Variants in PIP5K1C observed in about 807,000 individuals in gnomAD.
The protein encoded by PIP5K1C is phosphatidylinositol 4-phosphate 5-kinase type-1 gamma.
Under a neutral mutation model 80.1 loss-of-function variants are expected in PIP5K1C, and 45 were observed. The observed-to-expected ratio is 0.56, with a 90% CI of 0.44 to 0.72. The LOEUF is 0.72. Ranked by LOEUF, PIP5K1C falls within the 30% of genes least tolerant of loss-of-function variation. The pLI, the probability that PIP5K1C is intolerant of heterozygous loss-of-function variation, is 0.00. For missense variants in PIP5K1C, 753 were observed against 954.6 expected (o/e 0.79, Z 2.78); for synonymous variants, 498 against 420.1 (o/e 1.19, Z -2.27).
chr19:3,686,735 T>A (rs2035772993), intron 1 of PIP5K1C, among the ~76,000 whole-genome samples: 2 of 143,220 alleles, frequency 1.4e-5, no homozygotes, highest in African/African-American at 5.7e-5. Flanking sequence ...AATAAATAAA[T>A]AAAATAAAAT....
chr19:3,683,304 C>T (rs1367779532), intron 1 of PIP5K1C, among the ~76,000 whole-genome samples: 2 of 152,250 alleles, frequency 1.3e-5, no homozygotes, highest in East Asian at 1.9e-4. Flanking sequence ...AGGAGTTCCA[C>T]GGAGATCTGG....
At chr19:3,687,545 GCACACATGCACACGCA>G (rs574156690) in intron 1 of PIP5K1C, among the ~76,000 whole-genome samples, 2,493 of 150,596 alleles carry the variant, frequency 0.017, 38 homozygotes, top group Non-Finnish European at 0.017. Flanking sequence ...ACACATACAT[GCACACATGCACACGCA>G]CACACATGCA....
Position 3,637,091 on chromosome 19 carries a change from C to A in PIP5K1C, c.1920+1793G>T. Reference sequence around the variant, plus strand: ...TCTCCATGGCCCTGCGGTTCAGAGCCCGGCCCTGCAGCCACTCTGCTGACC... The same window carrying A: ...TCTCCATGGCCCTGCGGTTCAGAGCACGGCCCTGCAGCCACTCTGCTGACC... On this transcript the variant is annotated intron_variant, in intron 16 of 17. Transcript: ENST00000335312. This position sits in a 1 kb window ranked among gnomAD's most constrained non-coding sequence, Gnocchi z 7.0. 7 of 1,279,690 alleles carry A rather than the reference C, an allele frequency of 5.5e-6. No homozygotes were observed. Among genetic ancestry groups the A allele is most frequent in the East Asian group, 3.9e-5 (1 of 25,380 alleles). 79.3% of individuals were successfully genotyped at this position (1,279,690 alleles called of 1,614,324 possible).
Position 3,661,039 on chromosome 19 carries a change from C to A in PIP5K1C, c.395G>T (p.Arg132Leu). 4 of 1,614,056 alleles carry A rather than the reference C, an allele frequency of 2.5e-6. 1 individual carries two copies. Among genetic ancestry groups the A allele is most frequent in the South Asian group, 2.2e-5 (2 of 91,078 alleles). The change falls in exon 5 of 18, where the codon CGC becomes CTC. Residue 132 changes from arginine to leucine, a missense_variant. Arg to Leu is a moderately radical substitution (Grantham distance 102). Around this residue, in one of 6 missense-constraint regions of PIP5K1C, gnomAD observed 139 missense variants for 289.7 expected, o/e 0.48. Coordinates refer to ENST00000335312, the MANE Select transcript of PIP5K1C (RefSeq NM_012398.3). ...LTPAHHFQDF[R>L]FKTYAPVAFR... ...GGCGACAGGTGCATAGGTCTTGAAG[C>A]GGAAGTCCTGGAAGTGGTGGGCGGG...
intron 1 of PIP5K1C, among the ~76,000 whole-genome samples, chr19:3,671,318 C>A (rs1001240744): frequency 6.6e-6 from 1 of 152,258 alleles, no homozygotes; most frequent in Non-Finnish European, 1.5e-5. Flanking sequence ...TCCCTACGGC[C>A]CCGGGACCCA....
At chr19:3,652,956 G>A in intron 7 of PIP5K1C, among the ~76,000 whole-genome samples, 1 of 152,190 alleles carries the variant, frequency 6.6e-6, no homozygotes, top group Non-Finnish European at 1.5e-5. Flanking sequence ...CAAGGGCTGG[G>A]TCTGGGGACA....
chr19:3,658,257 C>T (rs890959160), intron 5 of PIP5K1C, among the ~76,000 whole-genome samples: 1 of 152,240 alleles, frequency 6.6e-6, no homozygotes, highest in Non-Finnish European at 1.5e-5. Flanking sequence ...CTTGGCAGCT[C>T]AGAACAGCGA....
chr19:3,658,890 G>A (rs1056793645), intron 5 of PIP5K1C, among the ~76,000 whole-genome samples: 2 of 152,222 alleles, frequency 1.3e-5, no homozygotes, highest in African/African-American at 4.8e-5. Context: ...TCTGAGCCAG[G>A]CAGTGCCAGG....
At chr19:3,657,925 A>G (rs2034692868) in intron 5 of PIP5K1C, among the ~76,000 whole-genome samples, 1 of 152,142 alleles carries the variant, frequency 6.6e-6, no homozygotes, top group Admixed American at 6.5e-5. Flanking sequence ...ACAGAGCAAG[A>G]GTGTTTAAAA....
chr19:3,690,717 C>A (rs1362042312), intron 1 of PIP5K1C, among the ~76,000 whole-genome samples: 1 of 152,094 alleles, frequency 6.6e-6, no homozygotes, highest in Non-Finnish European at 1.5e-5. Flanking sequence ...CTTGTGTCAC[C>A]AATAAATGAG....
intron 15 of PIP5K1C, among the ~76,000 whole-genome samples, chr19:3,640,625 A>G (rs77231693): frequency 0.069 from 10,424 of 152,150 alleles, 463 homozygotes; most frequent in Non-Finnish European, 0.097. Flanking sequence ...TTTTTCTTCA[A>G]TACAAAAATC....
chr19:3,666,730 CGCAG>C (rs924988516), intron 2 of PIP5K1C, among the ~76,000 whole-genome samples: 3 of 151,554 alleles, frequency 2.0e-5, no homozygotes, highest in African/African-American at 4.9e-5. Flanking sequence ...CACACACGCA[CGCAG>C]GCAAACATGC....
In PIP5K1C at chr19:3,637,477, C is replaced by T. The variant is rs2033743989; in HGVS notation, c.1920+1407G>A. On this transcript the variant is annotated intron_variant, in intron 16 of 17. Transcript: ENST00000335312. This position sits in a 1 kb window ranked among gnomAD's most constrained non-coding sequence, Gnocchi z 7.0. ...AGCTTCCGGCCGGGGACCTGCGGCT[C>T]CCTGCTGCCCGAGGGGCACTGCCCC... 3.3e-6 allele frequency: 5 copies of T among 1,535,578 alleles called. No homozygotes were observed. The highest frequency in any genetic ancestry group is 4.4e-6 in the Non-Finnish European group (5 of 1,146,808).
rs960492642 is a variant in PIP5K1C at position 3,693,000 on chromosome 19, G to A, written c.94+7297C>T. On this transcript the variant is annotated intron_variant, in intron 1 of 17. Coordinates refer to ENST00000335312, the MANE Select transcript of PIP5K1C (RefSeq NM_012398.3). This position sits in a 1 kb window ranked among gnomAD's most constrained non-coding sequence, Gnocchi z 5.2. Reference sequence around the variant, plus strand: ...CCCCAGCCTTGAGGGCACCTCCGCCGCCACTCTCTCCCCTCCTCTGCTCGG... The same window carrying A: ...CCCCAGCCTTGAGGGCACCTCCGCCACCACTCTCTCCCCTCCTCTGCTCGG... 3.8e-4 allele frequency among the ~76,000 whole-genome samples: 58 copies of A among 151,902 alleles called. No homozygotes were observed. Among genetic ancestry groups the A allele is most frequent in the African/African-American group, 1.3e-3 (53 of 41,404 alleles).
Position 3,638,902 on chromosome 19 carries a change from G to A in PIP5K1C, c.1902C>T (p.Pro634=), listed in dbSNP as rs758800366. The change falls in exon 16 of 18, where the codon CCC becomes CCT. Residue 634 remains proline (P), a synonymous_variant. Coordinates refer to ENST00000335312, the MANE Select transcript of PIP5K1C (RefSeq NM_012398.3). ...CACTTACAAAGTAGATGTCGGTGGC[G>A]GGCGCGTCCTCCTCGTCCGAGGCCT... ...ASQASDEEDA[P]ATDIYFPTDE... 1.9e-5 allele frequency: 31 copies of A among 1,612,778 alleles called. No homozygotes were observed. Among genetic ancestry groups the A allele is most frequent in the East Asian group, 6.7e-5 (3 of 44,872 alleles).
intron 1 of PIP5K1C, among the ~76,000 whole-genome samples, chr19:3,675,004 T>C (rs1297328167): frequency 6.6e-6 from 1 of 152,094 alleles, no homozygotes; most frequent in Non-Finnish European, 1.5e-5. Flanking sequence ...CAAGAGGCCA[T>C]GCAGTGTGTG....
At chr19:3,678,988 AGGGATGGAGGGATGGT>A (rs1202546362) in intron 1 of PIP5K1C, among the ~76,000 whole-genome samples, 2 of 146,432 alleles carry the variant, frequency 1.4e-5, no homozygotes, top group Admixed American at 1.3e-4. Flanking sequence ...AGATGGAGGG[AGGGATGGAGGGATGGT>A]GGGATGGAGG....
At chr19:3,636,045 T>A (rs533083327) in intron 16 of PIP5K1C, among the ~76,000 whole-genome samples, 1 of 151,890 alleles carries the variant, frequency 6.6e-6, no homozygotes, top group Admixed American at 6.5e-5. Context: ...TAATCTCAGC[T>A]ACTCAGGAGG....
At chr19:3,655,265 A>G (rs2034583638) in intron 6 of PIP5K1C, among the ~76,000 whole-genome samples, 1 of 151,514 alleles carries the variant, frequency 6.6e-6, no homozygotes, top group South Asian at 2.1e-4. Context: ...AAAAATATAA[A>G]AAAATAGCCA....
Sources: gnomAD v4.1 joint callset for allele counts (sites outside exome capture counted in the v4.1 genomes callset) on GRCh38, gnomAD v4.1.1 for gene constraint, gnomAD v4.1.1 regional missense constraint, Gnocchi (gnomAD v3.1) non-coding constraint, MANE v1.5 for transcripts, NCBI Gene and HGNC (gene_info 2026-07-23, HGNC 2026-07-21) for gene names.